The following SPEF2 variants were observed in gnomAD, a reference collection of about 807,000 sequenced individuals.
SPEF2 encodes the protein sperm flagellar and cilia associated 2, also known as sperm flagella and cilia-associated protein 2.
In SPEF2, 187 loss-of-function variants were observed where a neutral mutation model predicts 224.6. The observed-to-expected ratio is 0.83, with a 90% CI of 0.74 to 0.94. The LOEUF (loss-of-function observed/expected upper bound fraction) is 0.94, where lower values mean the gene tolerates loss of function less well. Ranked by LOEUF, SPEF2 falls within the 40% of genes least tolerant of loss-of-function variation. The probability of loss-of-function intolerance (pLI) is 0.00; values close to 1 mark genes in which losing one functional copy is unlikely to be tolerated. For missense variants in SPEF2, 2,170 were observed against 2,135.6 expected, an observed-to-expected ratio of 1.02 and a Z score of -0.32; for synonymous variants, 715 against 707.3, an observed-to-expected ratio of 1.01 and a Z score of -0.17.
intron 26 of SPEF2, among the ~76,000 whole-genome samples, chr5:35,769,187 A>G (rs1361000039): frequency 6.6e-6 from 1 of 152,170 alleles, no homozygotes. Context: ...TATCATCATC[A>G]CAAAGTTGTT....
rs757876997 is a variant in SPEF2, at chr5:35,692,577, TATACAG to T, written c.1757_1762del (p.Gln586_Ile587del). The T allele has an allele frequency of 5.0e-6, 8 of 1,607,126 alleles. No individual in the cohort carries two copies. In the South Asian group the frequency reaches 8.9e-5, roughly 18 times the overall value. On this transcript the variant is annotated inframe_deletion, in exon 12 of 37. Transcript: ENST00000356031. ...TTATCTTTTGTACTTTAGACTTTCC[TATACAG>T]ATACTTTCTATTGACACTCTTGTCC... is the stretch of plus-strand genomic sequence containing the variant.
chr5:35,745,516 T>C (rs1748363156), intron 23 of SPEF2, among the ~76,000 whole-genome samples: 1 of 151,136 alleles, frequency 6.6e-6, no homozygotes, highest in South Asian at 2.1e-4. Context: ...TAGGTTTGCA[T>C]GGGAGCTGCG....
intron 1 of SPEF2, among the ~76,000 whole-genome samples, chr5:35,627,937 T>C (rs886575076): frequency 1.3e-5 from 2 of 152,136 alleles, no homozygotes; most frequent in African/African-American, 4.8e-5. Context: ...CTCTGAACCA[T>C]GAAGGAGAAG....
At chr5:35,628,587 T>A (rs374228087) in intron 2 of SPEF2, 25 bp downstream of exon 2, 81 of 1,492,216 alleles carry the variant, frequency 5.4e-5, no homozygotes, top group Non-Finnish European at 7.2e-5. Flanking sequence ...TCCTTTTTGT[T>A]GTTGTTGTTG....
intron 9 of SPEF2, among the ~76,000 whole-genome samples, chr5:35,667,542 G>C (rs1750654055): frequency 6.6e-6 from 1 of 152,068 alleles, no homozygotes; most frequent in South Asian, 2.1e-4. Context: ...AAAAAAATGG[G>C]AGAAAATCTT....
At chr5:35,741,250 T>C (rs185830453) in intron 23 of SPEF2, among the ~76,000 whole-genome samples, 79 of 152,332 alleles carry the variant, frequency 5.2e-4, no homozygotes, top group African/African-American at 1.9e-3. Flanking sequence ...GAAAAGAACG[T>C]TGGATGTACC....
chr5:35,708,968 A>G lies in SPEF2; in HGVS notation c.2686A>G (p.Lys896Glu), dbSNP rs373144714. ...TGAAGTTGAGAAGAAATTAGAAGAA[A>G]AGGAAGCTGAGAAAAAAGCAGCAGC... is the stretch of plus-strand genomic sequence containing the variant. Reference protein sequence around the residue: ...KNKVEKKLEEKEAEKKAAASL... With the variant: ...KNKVEKKLEEEEAEKKAAASL... The change falls in exon 19 of 37, where the codon AAG (lysine) becomes GAG (glutamate). Residue 896 changes from lysine to glutamate, a missense_variant. Coordinates refer to ENST00000356031, the MANE Select transcript of SPEF2 (RefSeq NM_024867.4). The G allele has an allele frequency of 1.1e-5, 18 of 1,611,190 alleles. No individual in the cohort carries two copies. The highest frequency in any genetic ancestry group is 1.4e-5 in the Non-Finnish European group (17 of 1,179,362).
At chr5:35,689,008 G>A (rs7444574) in intron 10 of SPEF2, among the ~76,000 whole-genome samples, 1 of 151,676 alleles carries the variant, frequency 6.6e-6, no homozygotes, top group South Asian at 2.1e-4. Context: ...TCTGTATAAG[G>A]GTTATATTAG....
intron 19 of SPEF2, among the ~76,000 whole-genome samples, chr5:35,711,866 A>G (rs999732008): frequency 3.9e-5 from 6 of 152,168 alleles, no homozygotes; most frequent in Admixed American, 2.0e-4. Flanking sequence ...AGGCATTTCA[A>G]TTGCCATACT....
chr5:35,627,430 C>G (rs898941611), intron 1 of SPEF2, among the ~76,000 whole-genome samples: 20 of 151,840 alleles, frequency 1.3e-4, no homozygotes, highest in Admixed American at 3.3e-4. Context: ...TGAAACCCCC[C>G]TCTCTACTAA....
chr5:35,702,267 A>G (rs1342769845), intron 16 of SPEF2: 1 of 456,144 alleles, frequency 2.2e-6, no homozygotes, highest in Non-Finnish European at 4.4e-6. Flanking sequence ...ACAGAGAAAC[A>G]CACTACATCC....
At chr5:35,696,417 A>G (rs1052410370) in intron 14 of SPEF2, among the ~76,000 whole-genome samples, 6 of 152,204 alleles carry the variant, frequency 3.9e-5, no homozygotes, top group African/African-American at 1.4e-4. Flanking sequence ...AAACAAGATG[A>G]GCAATGGGAA....
chr5:35,681,929 G>A (rs1419538759), intron 10 of SPEF2, among the ~76,000 whole-genome samples: 2 of 152,276 alleles, frequency 1.3e-5, no homozygotes, highest in South Asian at 2.1e-4. Flanking sequence ...GGACTTCCTG[G>A]ACGTCTTGAA....
At chr5:35,713,607 A>T (rs962931619) in intron 20 of SPEF2, among the ~76,000 whole-genome samples, 22 of 150,520 alleles carry the variant, frequency 1.5e-4, no homozygotes, top group Admixed American at 4.0e-4. Flanking sequence ...ATGGTGGCAC[A>T]CACCTGTAGT....
intron 6 of SPEF2, among the ~76,000 whole-genome samples, chr5:35,651,808 T>C (rs1436433028): frequency 6.6e-6 from 1 of 152,172 alleles, no homozygotes; most frequent in African/African-American, 2.4e-5. Context: ...CACCTCAAAG[T>C]CCATCGTTTT....
At chr5:35,793,071 G>A (rs1756175967) in intron 31 of SPEF2, 88 bp from the exon 32 acceptor site, 1 of 1,244,354 alleles carries the variant, frequency 8.0e-7, no homozygotes, top group Non-Finnish European at 1.1e-6. Context: ...TTCTTTCATG[G>A]GAAACTCTCA....
chr5:35,807,329 C>G, intron 36 of SPEF2, 76 bp downstream of exon 36: 1 of 1,530,064 alleles, frequency 6.5e-7, no homozygotes. Context: ...TAAATGTGAG[C>G]TGGCATGGAA....
rs1015181966 is a variant in SPEF2, at chr5:35,628,127, T to A, written c.59-333T>A. Among the ~76,000 whole-genome samples the A allele has an allele frequency of 3.3e-5, 5 of 152,322 alleles. No homozygotes were observed. In the South Asian group the frequency reaches 8.3e-4, roughly 25 times the overall value. On this transcript the variant is annotated intron_variant, in intron 1 of 36. Coordinates refer to ENST00000356031, the MANE Select transcript of SPEF2 (RefSeq NM_024867.4). ...ACTAAAGTATTAGAGTATGATTTTA[T>A]AAAATATCTTTAAGGCTAGTTTTTA...
chr5:35,667,380 A>C, intron 9 of SPEF2, 121 bp downstream of exon 9: 2 of 918,128 alleles, frequency 2.2e-6, no homozygotes, highest in Non-Finnish European at 3.1e-6. Context: ...AAAAGACTAA[A>C]AGGTGGGGTC....
Sources: allele counts gnomAD v4.1 joint callset (sites outside exome capture counted in the v4.1 genomes callset), GRCh38; gene constraint gnomAD v4.1.1; transcripts MANE v1.5; gene names NCBI Gene and HGNC (gene_info 2026-07-23, HGNC 2026-07-21).